L3MBTL4: variants seen among roughly 807,000 people sequenced by gnomAD.
L3MBTL4 encodes the protein L3MBTL histone methyl-lysine binding protein 4, also known as lethal(3)malignant brain tumor-like protein 4.
In L3MBTL4, 70 loss-of-function variants were observed where a neutral mutation model predicts 84.5. The ratio of observed to expected loss-of-function variants is 0.83; its 90% CI spans 0.68 to 1.01. The LOEUF (loss-of-function observed/expected upper bound fraction) is 1.01. Among genes scored for constraint, L3MBTL4 ranks in the 50% least tolerant of loss-of-function variants. The pLI is 0.00. For missense variants in L3MBTL4, 715 were observed against 754.8 expected (o/e 0.95, Z 0.62); for synonymous variants, 274 against 259.8 (o/e 1.05, Z -0.52).
chr18:6,041,063 T>A (rs1341237191), intron 16 of L3MBTL4, among the ~76,000 whole-genome samples: 1 of 151,808 alleles, frequency 6.6e-6, no homozygotes, highest in Non-Finnish European at 1.5e-5. Flanking sequence ...CAATCAGGAG[T>A]CAGGGGTTGT....
chr18:6,295,311 T>A (rs946513846), intron 4 of L3MBTL4, among the ~76,000 whole-genome samples: 92 of 87,496 alleles, frequency 1.1e-3, no homozygotes, highest in African/African-American at 4.9e-3. Context: ...CAACAACAAC[T>A]CTCTCTCTCT....
chr18:6,329,261 C>G (rs2051896566), intron 1 of L3MBTL4, among the ~76,000 whole-genome samples: 1 of 148,614 alleles, frequency 6.7e-6, no homozygotes, highest in Non-Finnish European at 1.5e-5. Context: ...TCACGCCATT[C>G]TCCTGCCTCA....
rs142450882 is a variant in L3MBTL4, at chr18:6,350,650, T to C, written c.-90-38594A>G. Among the ~76,000 whole-genome samples the C allele has an allele frequency of 7.0e-3, 1,070 of 152,050 alleles. 14 individuals are homozygous for C. The highest frequency in any genetic ancestry group is 0.025 in the African/African-American group (1,032 of 41,508). On this transcript the variant is annotated intron_variant, in intron 1 of 18. Transcript: ENST00000317931. ...GGAATGTAAAATGGTACAGCCACTA[T>C]AGAAAACGGTATGGTGGTTCCTAAA...
At chr18:6,036,406 A>G (rs769059132) in intron 16 of L3MBTL4, among the ~76,000 whole-genome samples, 28 of 151,986 alleles carry the variant, frequency 1.8e-4, no homozygotes, top group Non-Finnish European at 2.6e-4. Flanking sequence ...GAAGCCCTCT[A>G]GTAAAATTTT....
intron 16 of L3MBTL4, among the ~76,000 whole-genome samples, chr18:6,072,527 G>A (rs1341864761): frequency 1.3e-5 from 2 of 151,868 alleles, no homozygotes; most frequent in African/African-American, 4.8e-5. Flanking sequence ...CGCTAATATA[G>A]TTTTAGGTGC....
At chr18:5,999,905 T>TAGAG (rs1041800193) in intron 16 of L3MBTL4, among the ~76,000 whole-genome samples, 2 of 152,116 alleles carry the variant, frequency 1.3e-5, no homozygotes, top group Admixed American at 6.5e-5. Flanking sequence ...TTCAAGGAGT[T>TAGAG]AGAGTTTTCA....
intron 1 of L3MBTL4, among the ~76,000 whole-genome samples, chr18:6,401,599 A>T (rs1033545331): frequency 6.6e-6 from 1 of 152,264 alleles, no homozygotes; most frequent in African/African-American, 2.4e-5. Flanking sequence ...AGTGTATTAC[A>T]GCCAAACTAT....
At chr18:6,237,671 G>A (rs2047272352) in intron 10 of L3MBTL4, among the ~76,000 whole-genome samples, 1 of 151,740 alleles carries the variant, frequency 6.6e-6, no homozygotes, top group Non-Finnish European at 1.5e-5. Flanking sequence ...GGCCAGGCTG[G>A]TCTTGAACTC....
At chr18:6,060,344 C>T (rs2057166019) in intron 16 of L3MBTL4, among the ~76,000 whole-genome samples, 1 of 151,948 alleles carries the variant, frequency 6.6e-6, no homozygotes, top group South Asian at 2.1e-4. Flanking sequence ...TTCAGGTACA[C>T]CAAATACTGC....
intron 13 of L3MBTL4, among the ~76,000 whole-genome samples, chr18:6,168,932 G>T (rs1034569781): frequency 3.3e-5 from 5 of 152,090 alleles, no homozygotes; most frequent in Admixed American, 1.3e-4. Context: ...CTACTCATCT[G>T]ACAAAGGGCT....
At chr18:6,370,330 A>G (rs1230687868) in intron 1 of L3MBTL4, among the ~76,000 whole-genome samples, 1 of 152,176 alleles carries the variant, frequency 6.6e-6, no homozygotes, top group Non-Finnish European at 1.5e-5. Flanking sequence ...TAATGTCCTC[A>G]TGCAAAGGGA....
chr18:6,109,032 G>C (rs1303754093), intron 14 of L3MBTL4, among the ~76,000 whole-genome samples: 1 of 152,148 alleles, frequency 6.6e-6, no homozygotes, highest in East Asian at 1.9e-4. Context: ...TGGCTGAATT[G>C]AGACTTTCAA....
chr18:6,049,501 T>C (rs891829134), intron 16 of L3MBTL4, among the ~76,000 whole-genome samples: 1 of 152,182 alleles, frequency 6.6e-6, no homozygotes, highest in African/African-American at 2.4e-5. Context: ...GGATAAAGAA[T>C]ATCTGGTACA....
chr18:6,387,626 AC>A (rs1487997844), intron 1 of L3MBTL4, among the ~76,000 whole-genome samples: 1 of 152,204 alleles, frequency 6.6e-6, no homozygotes, highest in Non-Finnish European at 1.5e-5. Flanking sequence ...CTAGTTTTCA[AC>A]CCTGAGAGTC....
chr18:6,118,180 CTCTCTCTCTG>C (rs1162223269), intron 14 of L3MBTL4, among the ~76,000 whole-genome samples: 2 of 137,304 alleles, frequency 1.5e-5, no homozygotes, highest in Non-Finnish European at 3.1e-5. Context: ...CACTCTCTCT[CTCTCTCTCTG>C]TCTCTTAAAC....
chr18:6,153,101 T>G (rs774521844), intron 13 of L3MBTL4, among the ~76,000 whole-genome samples: 11 of 152,354 alleles, frequency 7.2e-5, no homozygotes, highest in Middle Eastern at 3.4e-3. Flanking sequence ...TCTCTTTTTA[T>G]GCTACTAACA....
intron 3 of L3MBTL4, among the ~76,000 whole-genome samples, chr18:6,303,279 C>T (rs184118136): frequency 6.6e-6 from 1 of 152,110 alleles, no homozygotes; most frequent in East Asian, 2.0e-4. Context: ...CACCACCACA[C>T]TCGGCTAATT....
intron 14 of L3MBTL4, 58 bp from the exon 15 acceptor site, chr18:6,093,586 C>T: frequency 1.4e-6 from 2 of 1,434,544 alleles, no homozygotes; most frequent in Non-Finnish European, 1.9e-6. Context: ...ATCAGGGATC[C>T]ATTGTCATTA....
intron 4 of L3MBTL4, among the ~76,000 whole-genome samples, chr18:6,283,703 C>A (rs974753510): frequency 2.6e-5 from 4 of 152,096 alleles, no homozygotes; most frequent in Admixed American, 6.5e-5. Flanking sequence ...TTAATCTTGA[C>A]AATTTTATGG....
Sources: gnomAD v4.1 joint callset for allele counts (sites outside exome capture counted in the v4.1 genomes callset) on GRCh38, gnomAD v4.1.1 for gene constraint, MANE v1.5 for transcripts, NCBI Gene and HGNC (gene_info 2026-07-23, HGNC 2026-07-21) for gene names.